PLSCR1: variants seen among roughly 807,000 people sequenced by gnomAD.
PLSCR1 encodes PL scramblase 1.
In PLSCR1, 17 loss-of-function variants were observed where a neutral mutation model predicts 37.8. The ratio of observed to expected loss-of-function variants is 0.45; its 90% CI spans 0.31 to 0.68. PLSCR1 has a LOEUF of 0.68. PLSCR1 is among the 30% of genes least tolerant of loss of function. The pLI is 0.06. For synonymous variants in PLSCR1, 116 were observed against 125.9 expected (o/e 0.92, Z 0.53); for missense variants, 347 against 380.9 (o/e 0.91, Z 0.74).
intron 1 of PLSCR1, among the ~76,000 whole-genome samples, chr3:146,537,426 C>T (rs2044280138): frequency 6.6e-6 from 1 of 152,144 alleles, no homozygotes; most frequent in African/African-American, 2.4e-5. Context: ...ACACAAACTG[C>T]CCATCCCCTT....
At chr3:146,528,550 T>C (rs1006876751) in intron 4 of PLSCR1, 64 bp downstream of exon 4, 5 of 1,287,920 alleles carry the variant, frequency 3.9e-6, no homozygotes, top group Non-Finnish European at 5.7e-6. Context: ...CATTTGCTAA[T>C]CTGGTTAAGC....
rs138977928 is a variant in PLSCR1 at position 146,533,883 on chromosome 3, C to A, written c.14-333G>T. The stretch of plus-strand genomic sequence containing the variant: ...TAGCTTTAAAATTACATACAGACTA[C>A]GAAGAAAGAGATAAATGAAATTAAT... On this transcript the variant is annotated intron_variant, in intron 2 of 8. Transcript: ENST00000342435. 5.3e-3 allele frequency among the ~76,000 whole-genome samples: 808 copies of A among 151,570 alleles called. 5 individuals carry two copies. Among genetic ancestry groups the A allele is most frequent in the African/African-American group, 0.019 (774 of 41,214 alleles).
At position 146,528,696 on chromosome 3, in the gene PLSCR1, G is replaced by A; in HGVS notation, c.230C>T (p.Pro77Leu). ...CCATGGTACCCCTGCAGCTCCAACT[G>A]GCTGATTATATACTGGCTGATTATA... ...PVYNQPVYNQPVGAAGVPWMP... is the reference protein window; with the variant it reads ...PVYNQPVYNQLVGAAGVPWMP... The change falls in exon 4 of 9, where the codon CCA (proline) becomes CTA (leucine). Residue 77 changes from proline to leucine, a missense_variant. By Grantham distance (98) the Pro-to-Leu change is moderately conservative (BLOSUM62 -3). Transcript: ENST00000342435. The A allele has an allele frequency of 6.2e-7, 1 of 1,606,004 alleles. No individual in the cohort carries two copies. The highest frequency in any genetic ancestry group is 8.5e-7 in the Non-Finnish European group (1 of 1,172,572).
intron 3 of PLSCR1, among the ~76,000 whole-genome samples, chr3:146,530,866 A>G (rs111592031): frequency 1.3e-4 from 20 of 152,326 alleles, no homozygotes; most frequent in African/African-American, 4.1e-4. Context: ...GGTCTTATCT[A>G]TATCTTACAA....
chr3:146,536,633 G>A lies in PLSCR1; in HGVS notation c.-13-68C>T, dbSNP rs562629451. 1.7e-4 allele frequency: 154 copies of A among 897,792 alleles called. No individual in the cohort carries two copies. The African/African-American group carries it at 1.9e-3, about 11-fold the overall frequency. 55.6% of individuals were successfully genotyped at this position (897,792 alleles called of 1,614,324 possible). A position where few individuals can be genotyped will look rare whatever the true frequency, so the allele number is the denominator to read the frequency against. ...ACAAGTCAAATATAACAGTTGAATC[G>A]GGATACTCTAAAACTACACAGTCAC... On this transcript the variant is annotated intron_variant, in intron 1 of 8. Transcript: ENST00000342435.
At chr3:146,529,725 G>A (rs1414538047) in intron 3 of PLSCR1, among the ~76,000 whole-genome samples, 2 of 152,040 alleles carry the variant, frequency 1.3e-5, no homozygotes, top group Non-Finnish European at 2.9e-5. Flanking sequence ...GTGTTAGCCA[G>A]GATGGTCTCG....
intron 1 of PLSCR1, among the ~76,000 whole-genome samples, chr3:146,544,086 A>G (rs759346698): frequency 4.8e-4 from 73 of 152,238 alleles, no homozygotes; most frequent in Admixed American, 8.5e-4. Context: ...CCCAGACTCT[A>G]CCCAGGATTC....
At position 146,517,236 on chromosome 3, in the gene PLSCR1, G is replaced by A. The variant is rs1234700898; in HGVS notation, c.739-69C>T. ...TAGCAAAAGTACTTTCAAATTTGAAGTAAGATGAAACAAATATGGTATTAA... is the reference window on the plus strand; with the variant it reads ...TAGCAAAAGTACTTTCAAATTTGAAATAAGATGAAACAAATATGGTATTAA... On this transcript the variant is annotated intron_variant, in intron 7 of 8. Coordinates refer to ENST00000342435, the MANE Select transcript of PLSCR1 (RefSeq NM_021105.3). 4.6e-6 allele frequency: 4 copies of A among 871,456 alleles called. No homozygotes were observed. In the African/African-American group the frequency reaches 5.3e-5, roughly 12 times the overall value. 54.0% of individuals were successfully genotyped at this position (871,456 alleles called of 1,614,324 possible). A position where few individuals can be genotyped will look rare whatever the true frequency, so the allele number is the denominator to read the frequency against.
intron 7 of PLSCR1, among the ~76,000 whole-genome samples, chr3:146,519,773 A>G (rs1367776637): frequency 1.3e-5 from 2 of 152,162 alleles, no homozygotes; most frequent in African/African-American, 4.8e-5. Flanking sequence ...GCAGACTATC[A>G]TAATGGTCAA....
At chr3:146,526,138 G>A (rs1330214228) in intron 4 of PLSCR1, among the ~76,000 whole-genome samples, 49 of 134,754 alleles carry the variant, frequency 3.6e-4, no homozygotes, top group African/African-American at 1.2e-3. Context: ...AGCCGAGATC[G>A]CGCTACTGCA....
intron 3 of PLSCR1, among the ~76,000 whole-genome samples, chr3:146,532,075 A>G (rs566873928): frequency 2.0e-5 from 3 of 152,334 alleles, no homozygotes; most frequent in African/African-American, 4.8e-5. Flanking sequence ...TACTCTTAGC[A>G]TCGTTATCTT....
At chr3:146,526,819 G>A (rs947592953) in intron 4 of PLSCR1, among the ~76,000 whole-genome samples, 1 of 152,066 alleles carries the variant, frequency 6.6e-6, no homozygotes, top group African/African-American at 2.4e-5. Flanking sequence ...ACTCATACAT[G>A]GAAGCTTAAA....
intron 3 of PLSCR1, among the ~76,000 whole-genome samples, chr3:146,531,119 AG>A (rs2044192249): frequency 6.6e-6 from 1 of 152,228 alleles, no homozygotes; most frequent in East Asian, 1.9e-4. Context: ...GGGAAGGAGC[AG>A]GAACAGCTGC....
Position 146,528,781 on chromosome 3 carries a change from G to A in PLSCR1, c.145C>T (p.Pro49Ser), listed in dbSNP as rs1364603660. 1 of 1,614,170 alleles carries A rather than the reference G, an allele frequency of 6.2e-7. No homozygotes were observed. Residue 49 changes from proline to serine, a missense_variant, in exon 4 of 9, where the codon CCA becomes TCA. Pro to Ser is a moderately conservative substitution (Grantham distance 74). Coordinates refer to ENST00000342435, the MANE Select transcript of PLSCR1 (RefSeq NM_021105.3). Reference protein sequence around the residue: ...YPGPQVSYPPPPAGHSGPGPA... With the variant: ...YPGPQVSYPPSPAGHSGPGPA... ...CCAGGACCTGAATGGCCGGCTGGTG[G>A]GGGTGGGTAGCTGACCTGGGGCCCA... is the stretch of plus-strand genomic sequence containing the variant.
chr3:146,527,065 A>G (rs1452981027), intron 4 of PLSCR1, among the ~76,000 whole-genome samples: 1 of 152,108 alleles, frequency 6.6e-6, no homozygotes, highest in Non-Finnish European at 1.5e-5. Context: ...TGAACCCGGG[A>G]GGCGGAGGTT....
At chr3:146,516,766 A>G in intron 8 of PLSCR1, 1 of 331,538 alleles carries the variant, frequency 3.0e-6, no homozygotes, top group Non-Finnish European at 5.4e-6. Context: ...TCTCCTTAGT[A>G]CATCTCCTTA....
At chr3:146,520,525 A>G (rs948563551) in intron 7 of PLSCR1, among the ~76,000 whole-genome samples, 3 of 152,192 alleles carry the variant, frequency 2.0e-5, no homozygotes, top group Admixed American at 6.5e-5. Flanking sequence ...TCCCCTTATA[A>G]GAGCCTTTTT....
intron 3 of PLSCR1, among the ~76,000 whole-genome samples, chr3:146,533,059 T>C (rs1340719747): frequency 6.6e-6 from 1 of 152,198 alleles, no homozygotes; most frequent in Non-Finnish European, 1.5e-5. Flanking sequence ...GCCAAGCTAC[T>C]ACATGACTCA....
rs539718399 is a variant in PLSCR1 at position 146,525,402 on chromosome 3, G to A, written c.355+203C>T. ...CCTTCTAAGTTAGTGTCAATATCCC[G>A]AGGGCAGGTGCCCAACATAACAGCA... is the stretch of plus-strand genomic sequence containing the variant. On this transcript the variant is annotated intron_variant, in intron 5 of 8. Coordinates refer to ENST00000342435, the MANE Select transcript of PLSCR1 (RefSeq NM_021105.3). 111 of 501,420 alleles carry A rather than the reference G, an allele frequency of 2.2e-4. No homozygotes were observed. The South Asian group carries it at 2.6e-3, about 12-fold the overall frequency. The allele number at this position is 501,420 out of a possible 1,614,324, so 31.1% of individuals were successfully genotyped here.
Sources: allele counts gnomAD v4.1 joint callset (sites outside exome capture counted in the v4.1 genomes callset), GRCh38; gene constraint gnomAD v4.1.1; transcripts MANE v1.5; gene names NCBI Gene and HGNC (gene_info 2026-07-23, HGNC 2026-07-21).